Variants in MAGI1 observed in about 807,000 individuals in gnomAD.
MAGI1 encodes the protein membrane associated guanylate kinase, WW and PDZ domain containing 1.
Under a neutral mutation model 139.9 loss-of-function variants are expected in MAGI1, and 58 were observed. That is an observed-to-expected ratio of 0.41 (90% CI 0.34 to 0.52). The LOEUF (loss-of-function observed/expected upper bound fraction) is 0.52, where lower values mean the gene tolerates loss of function less well. Among genes scored for constraint, MAGI1 ranks in the 20% least tolerant of loss-of-function variants. The pLI, the probability that MAGI1 is intolerant of heterozygous loss-of-function variation, is 0.12. For missense variants in MAGI1, 1,874 were observed against 1,901.6 expected (o/e 0.99, Z 0.27); for synonymous variants, 812 against 737.9 (o/e 1.10, Z -1.63).
intron 2 of MAGI1, among the ~76,000 whole-genome samples, chr3:65,521,674 G>C (rs2078168574): frequency 7.5e-6 from 1 of 133,406 alleles, no homozygotes; most frequent in Non-Finnish European, 1.7e-5. Context: ...TTGTTACATG[G>C]TAATAAATGT....
At chr3:65,814,088 A>T (rs997031166) in intron 1 of MAGI1, among the ~76,000 whole-genome samples, 1 of 152,100 alleles carries the variant, frequency 6.6e-6, no homozygotes, top group African/African-American at 2.4e-5. Flanking sequence ...AAATATACAC[A>T]AACTAAAAAG....
rs2042043854 is a variant in MAGI1 at position 65,823,241 on chromosome 3, T to C, written c.314-201153A>G. 2.0e-5 allele frequency among the ~76,000 whole-genome samples: 3 copies of C among 152,202 alleles called. No homozygotes were observed. In the South Asian group the frequency reaches 6.2e-4, roughly 32 times the overall value. On this transcript the variant is annotated intron_variant, in intron 1 of 22. Transcript: ENST00000402939. ...ATGAAGCTAGTGGGCCTGGACAGAATTAAGCAGAGTTTGCAAAAGTGGATG... is the reference window on the plus strand; with the variant it reads ...ATGAAGCTAGTGGGCCTGGACAGAACTAAGCAGAGTTTGCAAAAGTGGATG...
At chr3:65,650,559 G>C (rs2085521802) in intron 1 of MAGI1, among the ~76,000 whole-genome samples, 1 of 152,230 alleles carries the variant, frequency 6.6e-6, no homozygotes, top group Non-Finnish European at 1.5e-5. Flanking sequence ...GCAAGGGACA[G>C]AGTCTCCTGT....
rs563206934 is a variant in MAGI1 at position 65,984,641 on chromosome 3, C to G, written c.313+53355G>C. Among the ~76,000 whole-genome samples, 56 of 151,284 alleles carry G rather than the reference C, an allele frequency of 3.7e-4. 1 individual carries two copies. Among genetic ancestry groups the G allele is most frequent in the South Asian group, 6.4e-4 (3 of 4,714 alleles). ...GCCTCCCCAGCTTAAGTGATCCTCC[C>G]ACTTCAGCCTTACTCTCGGGAGTAG... On this transcript the variant is annotated intron_variant, in intron 1 of 22. Transcript: ENST00000402939.
At chr3:65,806,001 A>G (rs902607346) in intron 1 of MAGI1, among the ~76,000 whole-genome samples, 1 of 152,216 alleles carries the variant, frequency 6.6e-6, no homozygotes, top group Non-Finnish European at 1.5e-5. Context: ...CTTAATACCT[A>G]TGTGATAGGT....
intron 9 of MAGI1, among the ~76,000 whole-genome samples, chr3:65,437,987 A>G (rs921065111): frequency 1.3e-5 from 2 of 152,170 alleles, no homozygotes. Flanking sequence ...AATTACTGCA[A>G]CCTCTATAGA....
chr3:65,472,741 G>C (rs1199129480), intron 4 of MAGI1, among the ~76,000 whole-genome samples: 1 of 152,194 alleles, frequency 6.6e-6, no homozygotes, highest in Non-Finnish European at 1.5e-5. Context: ...GCTGAAGGGA[G>C]CTGGGCACTC....
At chr3:65,423,252 G>A (rs1338306227) in intron 12 of MAGI1, among the ~76,000 whole-genome samples, 3 of 152,138 alleles carry the variant, frequency 2.0e-5, no homozygotes, top group Non-Finnish European at 4.4e-5. Context: ...TTCATTCTCT[G>A]GTCCAAGACC....
At chr3:65,365,946 G>A (rs2106758344) in intron 18 of MAGI1, among the ~76,000 whole-genome samples, 1 of 152,274 alleles carries the variant, frequency 6.6e-6, no homozygotes, top group African/African-American at 2.4e-5. Flanking sequence ...ACTACCTGTG[G>A]TCTATCTTCC....
rs1411600708 is a variant in MAGI1 at position 65,841,116 on chromosome 3, C to T, written c.313+196880G>A. On this transcript the variant is annotated intron_variant, in intron 1 of 22. Transcript: ENST00000402939. ...GACGTTTTTGGTATCTGCATGGTGA[C>T]ATCAACAGTGACAGCCTCCATTTTA... is the stretch of plus-strand genomic sequence containing the variant. 7.9e-5 allele frequency among the ~76,000 whole-genome samples: 12 copies of T among 152,254 alleles called. No homozygotes were observed. In the East Asian group the frequency reaches 1.4e-3, roughly 17 times the overall value.
intron 1 of MAGI1, among the ~76,000 whole-genome samples, chr3:65,863,043 T>C (rs533345382): frequency 1.3e-5 from 2 of 152,332 alleles, no homozygotes; most frequent in South Asian, 4.1e-4. Context: ...AAGCCAGTAA[T>C]GTACCTAGTA....
intron 4 of MAGI1, among the ~76,000 whole-genome samples, chr3:65,475,050 C>T (rs931471218): frequency 6.6e-6 from 1 of 151,824 alleles, no homozygotes; most frequent in Admixed American, 6.6e-5. Flanking sequence ...TCACTCTCTA[C>T]CAACAAAAAA....
chr3:65,376,239 T>C (rs536393134), intron 17 of MAGI1, among the ~76,000 whole-genome samples: 55 of 152,320 alleles, frequency 3.6e-4, no homozygotes, highest in African/African-American at 1.1e-3. Flanking sequence ...TTTGGGATAG[T>C]TGGCAACTTC....
At chr3:65,485,594 T>A (rs182995950) in intron 3 of MAGI1, among the ~76,000 whole-genome samples, 5 of 152,210 alleles carry the variant, frequency 3.3e-5, no homozygotes, top group African/African-American at 4.8e-5. Context: ...AGGCCTGATG[T>A]TGTAGATAGA....
intron 1 of MAGI1, among the ~76,000 whole-genome samples, chr3:65,743,638 A>T (rs557632248): frequency 2.9e-4 from 44 of 152,096 alleles, no homozygotes; most frequent in South Asian, 8.3e-4. Flanking sequence ...TGAACCTGGG[A>T]GGCAGAGGCT....
chr3:65,931,876 A>G (rs2062822933), intron 1 of MAGI1, among the ~76,000 whole-genome samples: 1 of 152,096 alleles, frequency 6.6e-6, no homozygotes, highest in South Asian at 2.1e-4. Context: ...TGACTAGAGA[A>G]GGGTAAGTGT....
chr3:65,555,010 A>G (rs1245254323), intron 2 of MAGI1, among the ~76,000 whole-genome samples: 4 of 152,204 alleles, frequency 2.6e-5, no homozygotes. Flanking sequence ...TTAATAGCCA[A>G]TGTTAATTTC....
At chr3:65,474,970 T>C (rs778968134) in intron 4 of MAGI1, among the ~76,000 whole-genome samples, 6 of 152,158 alleles carry the variant, frequency 3.9e-5, no homozygotes, top group Non-Finnish European at 8.8e-5. Context: ...GCTTGCCATA[T>C]AGTCCATACT....
rs765172038 is a variant in MAGI1, at chr3:65,470,584, C to A, written c.758-100G>T. ...TACCCGGGAAGTATGCAACTATACA[C>A]ATCTATATTCTTAAATGCTCTTATC... On this transcript the variant is annotated intron_variant, in intron 4 of 22. Transcript: ENST00000402939. 38 of 683,228 alleles carry A rather than the reference C, an allele frequency of 5.6e-5. 1 individual carries two copies. In the South Asian group the frequency reaches 6.8e-4, roughly 12 times the overall value. The allele number at this position is 683,228 out of a possible 1,614,324, so 42.3% of individuals were successfully genotyped here. A position where few individuals can be genotyped will look rare whatever the true frequency, so the allele number is the denominator to read the frequency against.
Sources: gnomAD v4.1 joint callset for allele counts (sites outside exome capture counted in the v4.1 genomes callset) on GRCh38, gnomAD v4.1.1 for gene constraint, MANE v1.5 for transcripts, NCBI Gene and HGNC (gene_info 2026-07-23, HGNC 2026-07-21) for gene names.